PCDH7: variants seen among roughly 807,000 people sequenced by gnomAD.
PCDH7 encodes protocadherin-7.
In PCDH7, 17 loss-of-function variants were observed where a neutral mutation model predicts 58.9. The ratio of observed to expected loss-of-function variants is 0.29; its 90% confidence interval spans 0.20 to 0.43. The LOEUF is 0.43. Ranked by LOEUF, PCDH7 falls within the 20% of genes least tolerant of loss-of-function variation. The pLI, the probability that PCDH7 is intolerant of heterozygous loss-of-function variation, is 1.00. For missense variants in PCDH7, 1,274 were observed against 1,441.0 expected (o/e 0.88, Z 1.88); for synonymous variants, 664 against 616.4 (o/e 1.08, Z -1.14).
rs1290930296 is a variant in PCDH7 at position 30,903,126 on chromosome 4, A to C, written c.71-17027A>C. ...TTATGGCCAGGTTGTGAATATTCTC[A>C]TTTTCCTAAAGAATCATGAAAATAT... On this transcript the variant is annotated intron_variant, in intron 1 of 3. Coordinates refer to the PCDH7 transcript ENST00000509759. Among the ~76,000 whole-genome samples the C allele has an allele frequency of 2.6e-5, 4 of 152,222 alleles. No individual in the cohort carries two copies. The East Asian group carries it at 7.7e-4, about 29-fold the overall frequency.
intron 1 of PCDH7, among the ~76,000 whole-genome samples, chr4:30,751,131 A>G (rs1718465992): frequency 6.6e-6 from 1 of 152,220 alleles, no homozygotes; most frequent in African/African-American, 2.4e-5. Flanking sequence ...AATCGTGCAC[A>G]GGTGATTTTG....
intron 3 of PCDH7, among the ~76,000 whole-genome samples, chr4:31,008,165 T>C (rs1431365261): frequency 2.0e-5 from 3 of 152,020 alleles, no homozygotes; most frequent in African/African-American, 7.2e-5. Flanking sequence ...GTCAAATGAA[T>C]TATGAAAAAA....
chr4:31,051,657 A>G (rs750192519), intron 3 of PCDH7, among the ~76,000 whole-genome samples: 23 of 152,162 alleles, frequency 1.5e-4, no homozygotes, highest in Non-Finnish European at 2.1e-4. Context: ...ATAAAACAGC[A>G]GTAAATCACA....
At chr4:30,898,729 T>TA (rs1037251443) in intron 1 of PCDH7, among the ~76,000 whole-genome samples, 1 of 152,180 alleles carries the variant, frequency 6.6e-6, no homozygotes, top group Non-Finnish European at 1.5e-5. Flanking sequence ...TAGCTGGGAC[T>TA]ACAGGCGCCC....
chr4:30,911,697 A>T (rs1741800140), intron 1 of PCDH7, among the ~76,000 whole-genome samples: 1 of 152,164 alleles, frequency 6.6e-6, no homozygotes, highest in African/African-American at 2.4e-5. Context: ...TAGTGGCGGA[A>T]AAAACCCGAG....
chr4:31,005,516 A>G (rs1460364221), intron 3 of PCDH7, among the ~76,000 whole-genome samples: 1 of 152,206 alleles, frequency 6.6e-6, no homozygotes, highest in Non-Finnish European at 1.5e-5. Flanking sequence ...AAAAAAAGAT[A>G]AAATTGGGAA....
At chr4:30,807,829 C>T (rs1726436802) in intron 1 of PCDH7, among the ~76,000 whole-genome samples, 1 of 151,890 alleles carries the variant, frequency 6.6e-6, no homozygotes, top group Non-Finnish European at 1.5e-5. Flanking sequence ...CAGAGAGAGG[C>T]TTTGATCTTA....
intron 3 of PCDH7, among the ~76,000 whole-genome samples, chr4:31,092,338 G>C (rs1223333751): frequency 6.6e-6 from 1 of 151,872 alleles, no homozygotes; most frequent in East Asian, 1.9e-4. Context: ...GAAAAACTGA[G>C]GAATTAGAAA....
At chr4:30,757,982 C>T (rs777824505) in intron 1 of PCDH7, among the ~76,000 whole-genome samples, 6 of 152,032 alleles carry the variant, frequency 3.9e-5, no homozygotes, top group African/African-American at 4.8e-5. Context: ...ACTGCTATCA[C>T]GGGGAGCTTA....
chr4:30,911,959 A>G (rs1158401627), intron 1 of PCDH7, among the ~76,000 whole-genome samples: 1 of 152,202 alleles, frequency 6.6e-6, no homozygotes, highest in East Asian at 1.9e-4. Context: ...AAGAATTATA[A>G]TAAGCACCTA....
At chr4:30,871,918 T>C (rs1735654655) in intron 1 of PCDH7, among the ~76,000 whole-genome samples, 1 of 152,108 alleles carries the variant, frequency 6.6e-6, no homozygotes, top group Admixed American at 6.6e-5. Context: ...CATCATCTTA[T>C]GGCATCATTC....
At chr4:31,139,554 G>A (rs1413305163) in intron 3 of PCDH7, among the ~76,000 whole-genome samples, 1 of 152,146 alleles carries the variant, frequency 6.6e-6, no homozygotes, top group East Asian at 1.9e-4. Flanking sequence ...TGCATGTGAT[G>A]TTTATCTAAG....
intron 3 of PCDH7, among the ~76,000 whole-genome samples, chr4:31,051,440 G>C (rs1182335762): frequency 6.6e-6 from 1 of 152,152 alleles, no homozygotes; most frequent in East Asian, 1.9e-4. Flanking sequence ...ACTTACTGAG[G>C]CATAGTGAAG....
At chr4:30,933,878 A>T (rs1458948000) in intron 2 of PCDH7, among the ~76,000 whole-genome samples, 1 of 152,212 alleles carries the variant, frequency 6.6e-6, no homozygotes, top group Admixed American at 6.5e-5. Context: ...TACTCGAGGA[A>T]ATGGAGTTTT....
intron 3 of PCDH7, among the ~76,000 whole-genome samples, chr4:30,956,528 GCTA>G (rs1273916814): frequency 6.6e-6 from 1 of 152,064 alleles, no homozygotes; most frequent in African/African-American, 2.4e-5. Context: ...CATTTTGAAT[GCTA>G]CTTCTTTATT....
At chr4:30,734,654 G>C (rs1419701523), downstream of PCDH7, among the ~76,000 whole-genome samples, 1 of 152,162 alleles carries the variant, frequency 6.6e-6, no homozygotes, top group Non-Finnish European at 1.5e-5. Context: ...TGAGGCAAGG[G>C]AGACATGAAG....
chr4:30,923,371 A>G (rs1743433514), intron 2 of PCDH7, among the ~76,000 whole-genome samples: 1 of 152,168 alleles, frequency 6.6e-6, no homozygotes, highest in African/African-American at 2.4e-5. Flanking sequence ...AGAAAATTTA[A>G]GTGAAATGTA....
intron 1 of PCDH7, among the ~76,000 whole-genome samples, chr4:30,821,149 T>C (rs1239920253): frequency 1.3e-5 from 2 of 152,172 alleles, no homozygotes; most frequent in South Asian, 2.1e-4. Context: ...GGAGGTTAAG[T>C]CACTCTCTGC....
intron 1 of PCDH7, among the ~76,000 whole-genome samples, chr4:30,823,760 A>T (rs1470858785): frequency 6.6e-6 from 1 of 152,142 alleles, no homozygotes; most frequent in Non-Finnish European, 1.5e-5. Context: ...CTCTTAAATT[A>T]TCCTAGAATA....
Sources: allele counts gnomAD v4.1 joint callset (sites outside exome capture counted in the v4.1 genomes callset), GRCh38; gene constraint gnomAD v4.1.1; transcripts MANE v1.5; gene names NCBI Gene and HGNC (gene_info 2026-07-23, HGNC 2026-07-21).